Variants in KIAA0319L observed in about 807,000 individuals in gnomAD.
KIAA0319L encodes the protein dyslexia-associated protein KIAA0319-like protein.
A neutral mutation model predicts 120.1 loss-of-function variants in KIAA0319L; 55 were observed. The observed-to-expected ratio is 0.46, with a 90% CI of 0.37 to 0.57. The LOEUF is 0.57. Among genes scored for constraint, KIAA0319L ranks in the 20% least tolerant of loss-of-function variants. KIAA0319L has a pLI of 0.00. For missense variants in KIAA0319L, 1,049 were observed against 1,255.3 expected (o/e 0.84, Z 2.48); for synonymous variants, 398 against 471.9 (o/e 0.84, Z 2.03).
chr1:35,508,573 G>C (rs1645296723), intron 2 of KIAA0319L, among the ~76,000 whole-genome samples: 1 of 151,958 alleles, frequency 6.6e-6, no homozygotes, highest in Non-Finnish European at 1.5e-5. Flanking sequence ...CAATTTAGAA[G>C]GCCACAGAAA....
At chr1:35,545,943 G>C (rs1571029019) in intron 2 of KIAA0319L, among the ~76,000 whole-genome samples, 1 of 152,232 alleles carries the variant, frequency 6.6e-6, no homozygotes, top group Non-Finnish European at 1.5e-5. Context: ...AATATGGCTA[G>C]AGGTGGTCTT....
chr1:35,482,817 T>C (rs1210602425), intron 3 of KIAA0319L, among the ~76,000 whole-genome samples: 8 of 152,338 alleles, frequency 5.3e-5, no homozygotes, highest in African/African-American at 1.7e-4. Context: ...CTTTAACTGT[T>C]TCAAGAAACT....
rs1337689337 is a variant in KIAA0319L at position 35,437,829 on chromosome 1, A to T, written c.2963-2748T>A. On this transcript the variant is annotated intron_variant, in intron 20 of 20. Transcript: ENST00000325722. This position sits in a 1 kb window ranked among gnomAD's most constrained non-coding sequence, Gnocchi z 4.1. ...GGGAGATTCCTATTTCTACAGTTCC[A>T]TGTCTGACTCTTCTGCTGAGTTCCA... Among the ~76,000 whole-genome samples, 1 of 152,002 alleles carries T rather than the reference A, an allele frequency of 6.6e-6. No homozygotes were observed. Among genetic ancestry groups the T allele is most frequent in the Non-Finnish European group, 1.5e-5 (1 of 68,008 alleles).
Position 35,557,253 on chromosome 1 carries a change from G to A in KIAA0319L, c.-75C>T. 5.4e-6 allele frequency: 1 copy of A among 186,744 alleles called. No homozygotes were observed. Among genetic ancestry groups the A allele is most frequent in the South Asian group, 7.6e-5 (1 of 13,180 alleles). The allele number at this position is 186,744 out of a possible 1,614,324, so 11.6% of individuals were successfully genotyped here. ...GGGGCCCCGGCTCTCGGCGGCCTCC[G>A]CCTCCTCCTGGTCCATGGGCTCGGG... On this transcript the variant is annotated 5_prime_UTR_variant, in exon 1 of 21. Coordinates refer to ENST00000325722, the MANE Select transcript of KIAA0319L (RefSeq NM_024874.5).
chr1:35,474,929 A>T (rs890138919), intron 4 of KIAA0319L, 23 bp from the exon 5 acceptor site: 1 of 1,287,368 alleles, frequency 7.8e-7, no homozygotes, highest in African/African-American at 1.5e-5. Context: ...TAAATATACC[A>T]GAGATAAGAA....
chr1:35,533,972 G>C (rs1570982955), intron 2 of KIAA0319L, among the ~76,000 whole-genome samples: 1 of 152,194 alleles, frequency 6.6e-6, no homozygotes, highest in Non-Finnish European at 1.5e-5. Context: ...ACAAGGCAGA[G>C]GAGGTAACTA....
In KIAA0319L at chr1:35,480,953, CCT is replaced by C. The variant is rs560308770; in HGVS notation, c.667-1743_667-1742del. Among the ~76,000 whole-genome samples, 918 of 152,172 alleles carry C rather than the reference CCT, an allele frequency of 6.0e-3. 5 individuals are homozygous for C. Among genetic ancestry groups the C allele is most frequent in the Non-Finnish European group, 8.5e-3 (580 of 68,004 alleles). On this transcript the variant is annotated intron_variant, in intron 3 of 20. Coordinates refer to ENST00000325722, the MANE Select transcript of KIAA0319L (RefSeq NM_024874.5). ...CATTCATGCCCCTTTATAATAAATC[CCT>C]GTCTCCATCTCTAGGCTCAGGAAAC...
rs1491411192 is a variant in KIAA0319L, at chr1:35,526,410, T to TATATATATATATATAC, written c.143-19276_143-19275insGTATATATATATATAT. ...ATACATATATATATATATATATATATACACACATACATATATATATGTATA... is the reference window on the plus strand; with the variant it reads ...ATACATATATATATATATATATATATATATATATATATATACACACACATACATATATATATGTATA... On this transcript the variant is annotated intron_variant, in intron 2 of 20. Transcript: ENST00000325722. Among the ~76,000 whole-genome samples the TATATATATATATATAC allele has an allele frequency of 2.2e-5, 3 of 137,510 alleles. No homozygotes were observed. The Middle Eastern group carries it at 0.011, about 506-fold the overall frequency. The allele number at this position is 137,510 out of a possible 152,430, so 90.2% of individuals were successfully genotyped here.
Position 35,449,855 on chromosome 1 carries a change from A to C in KIAA0319L, c.2353+12T>G, listed in dbSNP as rs1199040523. 2 of 1,613,690 alleles carry C rather than the reference A, an allele frequency of 1.2e-6. No individual in the cohort carries two copies. Among genetic ancestry groups the C allele is most frequent in the Non-Finnish European group, 1.7e-6 (2 of 1,179,954 alleles). On this transcript the variant is annotated intron_variant, in intron 15 of 20. Coordinates refer to ENST00000325722, the MANE Select transcript of KIAA0319L (RefSeq NM_024874.5). ...AGCAATTCTACTCAGCCTCATCACT[A>C]AATGAACTCACCAGGTTTCACCTCC...
At chr1:35,462,567 T>G (rs980969697) in intron 8 of KIAA0319L, 54 bp downstream of exon 8, 1 of 1,408,728 alleles carries the variant, frequency 7.1e-7, no homozygotes, top group African/African-American at 1.4e-5. Flanking sequence ...GAGTTTTCTA[T>G]CAGAGTACAC....
At chr1:35,491,689 G>A (rs773456755) in intron 3 of KIAA0319L, among the ~76,000 whole-genome samples, 6 of 151,998 alleles carry the variant, frequency 3.9e-5, no homozygotes, top group Non-Finnish European at 8.8e-5. Context: ...AGAGAAAAAC[G>A]AATAAAACCA....
In KIAA0319L at chr1:35,433,917, A is replaced by ATCTGACCG. The variant is rs1640590304; in HGVS notation, c.*976_*977insCGGTCAGA. On this transcript the variant is annotated 3_prime_UTR_variant, in exon 21 of 21. Transcript: ENST00000325722. ...AGCCCCGAAGCAGCAGGTGCCGGTC[A>ATCTGACCG]GATGGAGAGGAGGGAGGCCGTCTGT... The ATCTGACCG allele has an allele frequency of 6.6e-6, 1 of 152,362 alleles. No individual in the cohort carries two copies. Among genetic ancestry groups the ATCTGACCG allele is most frequent in the Non-Finnish European group, 1.5e-5 (1 of 68,180 alleles). The allele number at this position is 152,362 out of a possible 1,614,324, so 9.4% of individuals were successfully genotyped here.
intron 2 of KIAA0319L, among the ~76,000 whole-genome samples, chr1:35,511,683 T>C (rs767854157): frequency 3.3e-5 from 5 of 152,244 alleles, no homozygotes; most frequent in Non-Finnish European, 5.9e-5. Flanking sequence ...AGATATTTAA[T>C]AAGTGCACCG....
At position 35,450,461 on chromosome 1, in the gene KIAA0319L, G is replaced by T; in HGVS notation, c.2111C>A (p.Thr704Asn). Residue 704 changes from threonine to asparagine, a missense_variant, in exon 14 of 21, where the codon ACC becomes AAC. Transcript: ENST00000325722. ...IAKITGNVVI[T>N]LPTSTAELDG... ...CAGCTCTGCTGTGCTCGTGGGTAGG[G>T]TAATCACCACATTCCCAGTTATCTT... 2 of 1,613,956 alleles carry T rather than the reference G, an allele frequency of 1.2e-6. No homozygotes were observed. Among genetic ancestry groups the T allele is most frequent in the Non-Finnish European group, 1.7e-6 (2 of 1,179,866 alleles).
rs1417715817 is a variant in KIAA0319L at position 35,507,038 on chromosome 1, G to C, written c.240C>G (p.Pro80=). 3.1e-6 allele frequency: 5 copies of C among 1,604,850 alleles called. No individual in the cohort carries two copies. In the South Asian group the frequency reaches 5.6e-5, roughly 18 times the overall value. ...ENHLWLLEGT[P]SLQSCWAACC... ...AGGCAGCCCAACATGACTGGAGAGA[G>C]GGGGTTCCTTCAAGAAGCCAGAGGT... is the stretch of plus-strand genomic sequence containing the variant. Residue 80 remains proline (P), a synonymous_variant, in exon 3 of 21, where the codon CCC becomes CCG. Coordinates refer to ENST00000325722, the MANE Select transcript of KIAA0319L (RefSeq NM_024874.5).
At chr1:35,505,277 G>C (rs534850557) in intron 3 of KIAA0319L, among the ~76,000 whole-genome samples, 2 of 152,070 alleles carry the variant, frequency 1.3e-5, no homozygotes, top group Admixed American at 6.5e-5. Context: ...ATAGTACCTC[G>C]CAAGTAAATA....
At chr1:35,449,399 A>G (rs1180306247) in intron 15 of KIAA0319L, among the ~76,000 whole-genome samples, 1 of 152,218 alleles carries the variant, frequency 6.6e-6, no homozygotes, top group Admixed American at 6.5e-5. Flanking sequence ...CTATTACTTT[A>G]CCTTCCCTGG....
Position 35,557,345 on chromosome 1 carries a change from C to G in KIAA0319L, c.-167G>C, listed in dbSNP as rs1648265605. On this transcript the variant is annotated 5_prime_UTR_variant, in exon 1 of 21. Transcript: ENST00000325722. ...AAGAGGAAGAAGGTAGTGCGGGCTCCCCACCCGGACAGCTACCTCTCGCCT... is the reference window on the plus strand; with the variant it reads ...AAGAGGAAGAAGGTAGTGCGGGCTCGCCACCCGGACAGCTACCTCTCGCCT... 3.6e-6 allele frequency: 1 copy of G among 280,266 alleles called. No individual in the cohort carries two copies. Among genetic ancestry groups the G allele is most frequent in the Non-Finnish European group, 7.0e-6 (1 of 141,892 alleles). 17.4% of individuals were successfully genotyped at this position (280,266 alleles called of 1,614,324 possible). A position where few individuals can be genotyped will look rare whatever the true frequency, so the allele number is the denominator to read the frequency against.
intron 2 of KIAA0319L, among the ~76,000 whole-genome samples, chr1:35,534,311 T>A (rs771580466): frequency 3.9e-5 from 6 of 152,208 alleles, no homozygotes; most frequent in Non-Finnish European, 8.8e-5. Flanking sequence ...GGTATTTCCA[T>A]TTTTCCTAAA....
Sources: allele counts gnomAD v4.1 joint callset (sites outside exome capture counted in the v4.1 genomes callset), GRCh38; gene constraint gnomAD v4.1.1; non-coding constraint Gnocchi (gnomAD v3.1); transcripts MANE v1.5; gene names NCBI Gene and HGNC (gene_info 2026-07-23, HGNC 2026-07-21).